Variants in GALNT14 observed in about 807,000 individuals in gnomAD.
The protein encoded by GALNT14 is polypeptide N-acetylgalactosaminyltransferase 14.
In GALNT14, 60 loss-of-function variants were observed where a neutral mutation model predicts 77.5. That is an observed-to-expected ratio of 0.77 (90% confidence interval 0.63 to 0.96). The LOEUF (loss-of-function observed/expected upper bound fraction) is 0.96, where lower values mean the gene tolerates loss of function less well. Ranked by LOEUF, GALNT14 falls within the 40% of genes least tolerant of loss-of-function variation. The pLI is 0.00. For missense variants in GALNT14, 710 were observed against 731.0 expected, an observed-to-expected ratio of 0.97 and a Z score of 0.33; for synonymous variants, 280 against 281.7, an observed-to-expected ratio of 0.99 and a Z score of 0.06.
intron 2 of GALNT14, among the ~76,000 whole-genome samples, chr2:30,985,336 A>G (rs1669231800): frequency 6.6e-6 from 1 of 152,220 alleles, no homozygotes. Flanking sequence ...CTGAAACTCA[A>G]AAAAACAGGC....
the GALNT14 span, among the ~76,000 whole-genome samples, chr2:30,890,472 A>G: frequency 6.6e-6 from 1 of 152,232 alleles, no homozygotes. Flanking sequence ...AAACTCTCAA[A>G]TAATATATGT....
At chr2:31,038,607 T>C (rs1017792963) in intron 1 of GALNT14, among the ~76,000 whole-genome samples, 8 of 152,146 alleles carry the variant, frequency 5.3e-5, no homozygotes, top group Non-Finnish European at 1.2e-4. Context: ...CCCCCTCTAG[T>C]GGCTGCTAGG....
chr2:31,102,802 CTG>C (rs1677344538), intron 1 of GALNT14, among the ~76,000 whole-genome samples: 1 of 152,046 alleles, frequency 6.6e-6, no homozygotes, highest in African/African-American at 2.4e-5. Flanking sequence ...CCTAAAATTT[CTG>C]TGTTTTCAAT....
At chr2:30,926,378 T>A (rs990711204) in intron 11 of GALNT14, among the ~76,000 whole-genome samples, 5 of 152,080 alleles carry the variant, frequency 3.3e-5, no homozygotes, top group African/African-American at 1.2e-4. Flanking sequence ...ATGGGAAATA[T>A]CAGATGAGGA....
At chr2:30,890,595 A>G in the GALNT14 span, among the ~76,000 whole-genome samples, 1 of 152,224 alleles carries the variant, frequency 6.6e-6, no homozygotes, top group Non-Finnish European at 1.5e-5. Flanking sequence ...GGAGGCATTT[A>G]TGAAGTATTT....
At chr2:30,924,003 C>T (rs1250650527) in intron 13 of GALNT14, 116 bp downstream of exon 13, 4 of 1,164,632 alleles carry the variant, frequency 3.4e-6, no homozygotes, top group Non-Finnish European at 5.1e-6. Flanking sequence ...CACTACCGAT[C>T]TCTGGGAATA....
intron 1 of GALNT14, among the ~76,000 whole-genome samples, chr2:31,093,779 G>A (rs1676872337): frequency 6.6e-6 from 1 of 152,224 alleles, no homozygotes. Context: ...TGGACTGAAA[G>A]CACTTTTGCA....
In GALNT14 at chr2:31,127,958, G is replaced by A. The variant is rs140399138; in HGVS notation, c.129+10000C>T. Among the ~76,000 whole-genome samples the A allele has an allele frequency of 2.2e-3, 330 of 152,114 alleles. 1 individual carries two copies. The highest frequency in any genetic ancestry group is 7.5e-3 in the African/African-American group (313 of 41,508). ...AGTGTCCTTTAACATTGCCATGCTC[G>A]GGGGAAAAGGACAAGAGTAAAAAAG... is the stretch of plus-strand genomic sequence containing the variant. On this transcript the variant is annotated intron_variant, in intron 1 of 14. Transcript: ENST00000349752.
the GALNT14 span, among the ~76,000 whole-genome samples, chr2:30,904,549 T>C: frequency 6.6e-6 from 1 of 152,232 alleles, no homozygotes; most frequent in African/African-American, 2.4e-5. Flanking sequence ...ACACCTGGCT[T>C]GGAGGGTCCT....
intron 1 of GALNT14, among the ~76,000 whole-genome samples, chr2:31,094,506 G>A (rs1676909596): frequency 6.6e-6 from 1 of 152,218 alleles, no homozygotes; most frequent in Non-Finnish European, 1.5e-5. Flanking sequence ...GAGAACCACA[G>A]GAAACAGACA....
chr2:31,057,122 C>A (rs1440587319), intron 1 of GALNT14, among the ~76,000 whole-genome samples: 12 of 151,594 alleles, frequency 7.9e-5, no homozygotes, highest in African/African-American at 2.2e-4. Context: ...ACACTGGGGA[C>A]TACTACTAGA....
At chr2:30,976,615 GTGTGTA>G (rs1312045042) in intron 2 of GALNT14, among the ~76,000 whole-genome samples, 21 of 143,392 alleles carry the variant, frequency 1.5e-4, no homozygotes, top group African/African-American at 6.2e-4. Context: ...GCGTGTGCGT[GTGTGTA>G]TGTGTGTGTG....
At chr2:30,969,380 C>T (rs1418218707) in intron 2 of GALNT14, among the ~76,000 whole-genome samples, 1 of 152,200 alleles carries the variant, frequency 6.6e-6, no homozygotes, top group Admixed American at 6.5e-5. Context: ...GGGGACCACA[C>T]ACCCCAGCTT....
At chr2:30,905,311 G>GA in the GALNT14 span, among the ~76,000 whole-genome samples, 8 of 151,706 alleles carry the variant, frequency 5.3e-5, no homozygotes, top group African/African-American at 1.9e-4. Flanking sequence ...GGAAAACTTT[G>GA]AAAAAAATTT....
At chr2:30,954,561 C>T (rs1018388456) in intron 6 of GALNT14, among the ~76,000 whole-genome samples, 1 of 152,134 alleles carries the variant, frequency 6.6e-6, no homozygotes, top group Non-Finnish European at 1.5e-5. Context: ...ACCTCTAGGC[C>T]CATGTGACAG....
At chr2:31,004,697 T>C (rs529380767) in intron 1 of GALNT14, among the ~76,000 whole-genome samples, 5 of 152,238 alleles carry the variant, frequency 3.3e-5, no homozygotes, top group Non-Finnish European at 7.4e-5. Flanking sequence ...CCCACCCCAC[T>C]GAAAACCACT....
At chr2:30,949,287 C>T (rs1666884906) in intron 6 of GALNT14, among the ~76,000 whole-genome samples, 1 of 152,130 alleles carries the variant, frequency 6.6e-6, no homozygotes, top group African/African-American at 2.4e-5. Flanking sequence ...TTAGCTCCCT[C>T]TAAGGACATT....
intron 1 of GALNT14, among the ~76,000 whole-genome samples, chr2:31,030,380 T>C (rs948708077): frequency 2.0e-5 from 3 of 152,032 alleles, no homozygotes; most frequent in African/African-American, 7.2e-5. Flanking sequence ...AACATACCAT[T>C]CTAGGTATGT....
At chr2:30,954,208 T>C (rs955481882) in intron 6 of GALNT14, among the ~76,000 whole-genome samples, 16 of 152,156 alleles carry the variant, frequency 1.1e-4, no homozygotes, top group Admixed American at 3.9e-4. Flanking sequence ...TGTCATGGCA[T>C]GTCCAGGGAC....
Sources: gnomAD v4.1 joint callset for allele counts (sites outside exome capture counted in the v4.1 genomes callset) on GRCh38, gnomAD v4.1.1 for gene constraint, MANE v1.5 for transcripts, NCBI Gene and HGNC (gene_info 2026-07-23, HGNC 2026-07-21) for gene names.